The following KCNIP1 variants were observed in gnomAD, a reference collection of about 807,000 sequenced individuals.
KCNIP1 encodes the protein potassium voltage-gated channel interacting protein 1.
KCNIP1 carries 18 observed loss-of-function variants against 33.0 expected under a neutral mutation model. The ratio of observed to expected loss-of-function variants is 0.55; its 90% confidence interval spans 0.38 to 0.81. KCNIP1 has a LOEUF of 0.81. Ranked by LOEUF, KCNIP1 falls within the 30% of genes least tolerant of loss-of-function variation. The pLI, the probability that KCNIP1 is intolerant of heterozygous loss-of-function variation, is 0.00. For missense variants in KCNIP1, 238 were observed against 271.6 expected, an observed-to-expected ratio of 0.88 and a Z score of 0.87; for synonymous variants, 93 against 98.3, an observed-to-expected ratio of 0.95 and a Z score of 0.32.
intron 1 of KCNIP1, among the ~76,000 whole-genome samples, chr5:170,598,889 C>CTGTGTGTGTGCGCGTGTGTGTGTGTGTG (rs1193319687): frequency 7.1e-6 from 1 of 141,732 alleles, no homozygotes; most frequent in African/African-American, 2.7e-5. Context: ...CATAGCCCCG[C>CTGTGTGTGTGCGCGTGTGTGTGTGTGTG]TGTGTGTGTG....
intron 1 of KCNIP1, among the ~76,000 whole-genome samples, chr5:170,571,037 C>G (rs1757387665): frequency 6.6e-6 from 1 of 152,220 alleles, no homozygotes; most frequent in African/African-American, 2.4e-5. Flanking sequence ...AGCTTGGAAG[C>G]CTGCAATTTG....
intron 1 of KCNIP1, among the ~76,000 whole-genome samples, chr5:170,367,418 A>AAAGAAAGAAAGAAAGAAAGG (rs1561586954): frequency 2.0e-5 from 2 of 101,288 alleles, no homozygotes; most frequent in Non-Finnish European, 4.1e-5. Context: ...AGAAAGAAAG[A>AAAGAAAGAAAGAAAGAAAGG]AAGGAAAGAA....
At chr5:170,417,242 C>T (rs1755354907) in intron 1 of KCNIP1, among the ~76,000 whole-genome samples, 2 of 152,156 alleles carry the variant, frequency 1.3e-5, no homozygotes, top group African/African-American at 4.8e-5. Flanking sequence ...TGTAAGCAGT[C>T]ATTTTGTCTG....
At chr5:170,451,737 G>GTGTC (rs1756257565) in intron 1 of KCNIP1, among the ~76,000 whole-genome samples, 1 of 144,448 alleles carries the variant, frequency 6.9e-6, no homozygotes, top group Non-Finnish European at 1.5e-5. Flanking sequence ...GTGTGTGTGT[G>GTGTC]TGTGTGTGTG....
chr5:170,592,563 T>C (rs929661371), intron 1 of KCNIP1, among the ~76,000 whole-genome samples: 9 of 151,994 alleles, frequency 5.9e-5, no homozygotes, highest in African/African-American at 2.2e-4. Flanking sequence ...TCCCATCTAC[T>C]ACATAAATTG....
chr5:170,647,586 G>A (rs1345531381), intron 1 of KCNIP1, among the ~76,000 whole-genome samples: 31 of 141,572 alleles, frequency 2.2e-4, no homozygotes, highest in African/African-American at 6.3e-4. Context: ...AAAAAAAAAA[G>A]AGTCCACACA....
At chr5:170,390,829 G>A (rs1157526304) in intron 1 of KCNIP1, among the ~76,000 whole-genome samples, 1 of 151,974 alleles carries the variant, frequency 6.6e-6, no homozygotes, top group Non-Finnish European at 1.5e-5. Flanking sequence ...GGCTCTGGAG[G>A]TCACCCTGAG....
Position 170,722,854 on chromosome 5 carries a change from T to G in KCNIP1, c.435+34T>G, listed in dbSNP as rs372998874. On this transcript the variant is annotated intron_variant, in intron 5 of 7. Transcript: ENST00000328939. The stretch of plus-strand genomic sequence containing the variant: ...GCTGGGGCCAGGGGTGTGAGAGGGC[T>G]CCAGTGAAGGTAACTAACCCAACAG... 3.6e-6 allele frequency: 5 copies of G among 1,379,630 alleles called. No homozygotes were observed. In the African/African-American group the frequency reaches 7.1e-5, roughly 20 times the overall value. 85.5% of individuals were successfully genotyped at this position (1,379,630 alleles called of 1,614,324 possible). A position where few individuals can be genotyped will look rare whatever the true frequency, so the allele number is the denominator to read the frequency against.
intron 1 of KCNIP1, among the ~76,000 whole-genome samples, chr5:170,543,935 G>A (rs1756310966): frequency 6.6e-6 from 1 of 152,156 alleles, no homozygotes; most frequent in South Asian, 2.1e-4. Flanking sequence ...GAAACCAATA[G>A]ATCTAGGTTA....
intron 1 of KCNIP1, among the ~76,000 whole-genome samples, chr5:170,640,265 G>T (rs1405159726): frequency 1.3e-5 from 2 of 152,250 alleles, no homozygotes; most frequent in African/African-American, 2.4e-5. Flanking sequence ...TGGCTAGGAA[G>T]TGGTAGGCAG....
chr5:170,544,696 G>GT (rs1356755556), intron 1 of KCNIP1, among the ~76,000 whole-genome samples: 2 of 136,806 alleles, frequency 1.5e-5, no homozygotes, highest in Non-Finnish European at 3.0e-5. Flanking sequence ...TTGGCTTCTT[G>GT]TTTCACATTC....
In KCNIP1 at chr5:170,721,461, C is replaced by T. The variant is rs145659420; in HGVS notation, c.257-372C>T. On this transcript the variant is annotated intron_variant, in intron 3 of 7. Coordinates refer to ENST00000328939, the MANE Select transcript of KCNIP1 (RefSeq NM_014592.4). ...CAGTCACATAGCTTATGTAGTACAG[C>T]GGCATCCAAGTTCAGGTCTCTCTAC... is the stretch of plus-strand genomic sequence containing the variant. Among the ~76,000 whole-genome samples the T allele has an allele frequency of 2.3e-3, 344 of 152,238 alleles. 5 individuals carry two copies. In the East Asian group the frequency reaches 0.049, roughly 22 times the overall value.
intron 1 of KCNIP1, among the ~76,000 whole-genome samples, chr5:170,718,232 G>A (rs557588162): frequency 2.5e-4 from 38 of 152,194 alleles, no homozygotes; most frequent in African/African-American, 8.9e-4. Context: ...ACAATACGCT[G>A]TAAATACATT....
intron 1 of KCNIP1, among the ~76,000 whole-genome samples, chr5:170,671,620 G>A (rs892496972): frequency 2.0e-5 from 3 of 152,128 alleles, no homozygotes; most frequent in Admixed American, 2.0e-4. Flanking sequence ...AGTTATGTCT[G>A]TCTCCCCCAG....
chr5:170,439,745 C>T (rs1247258381), intron 1 of KCNIP1, among the ~76,000 whole-genome samples: 2 of 152,236 alleles, frequency 1.3e-5, no homozygotes, highest in African/African-American at 2.4e-5. Flanking sequence ...ATTCCCCTTC[C>T]CCAGGCTTGG....
At chr5:170,395,803 G>A (rs17051893) in intron 1 of KCNIP1, among the ~76,000 whole-genome samples, 2,701 of 152,292 alleles carry the variant, frequency 0.018, 36 homozygotes, top group Middle Eastern at 0.037. Context: ...ATGCCACTTT[G>A]GGACCTACGA....
intron 1 of KCNIP1, among the ~76,000 whole-genome samples, chr5:170,380,134 C>T (rs911190287): frequency 3.3e-5 from 5 of 152,130 alleles, no homozygotes; most frequent in Middle Eastern, 3.2e-3. Flanking sequence ...TTAATTCTGA[C>T]GTTGATTATT....
chr5:170,471,784 G>A (rs1000178741), intron 1 of KCNIP1, among the ~76,000 whole-genome samples: 1 of 152,082 alleles, frequency 6.6e-6, no homozygotes, highest in Non-Finnish European at 1.5e-5. Flanking sequence ...TCTTTCCCCT[G>A]AACCCACTCA....
intron 1 of KCNIP1, among the ~76,000 whole-genome samples, chr5:170,505,828 G>A (rs1381378193): frequency 6.6e-6 from 1 of 152,096 alleles, no homozygotes; most frequent in Non-Finnish European, 1.5e-5. Flanking sequence ...CAGATCTTAG[G>A]TGCTGAAGCT....
Sources: allele counts gnomAD v4.1 joint callset (sites outside exome capture counted in the v4.1 genomes callset), GRCh38; gene constraint gnomAD v4.1.1; transcripts MANE v1.5; gene names NCBI Gene and HGNC (gene_info 2026-07-23, HGNC 2026-07-21).